SPAM1: variants seen among roughly 807,000 people sequenced by gnomAD.
The protein encoded by SPAM1 is hyaluronidase PH-20.
Under a neutral mutation model 29.6 loss-of-function variants are expected in SPAM1, and 22 were observed. The observed-to-expected ratio is 0.74, with a 90% CI of 0.53 to 1.06. SPAM1 has a LOEUF of 1.06. Among genes scored for constraint, SPAM1 ranks in the 50% least tolerant of loss-of-function variants. The probability of loss-of-function intolerance (pLI) is 0.00; values close to 1 mark genes in which losing one functional copy is unlikely to be tolerated. For synonymous variants in SPAM1, 194 were observed against 204.6 expected (o/e 0.95, Z 0.44); for missense variants, 534 against 604.0 (o/e 0.88, Z 1.21).
chr7:123,954,928 C>T (rs1792214654), intron 3 of SPAM1, 69 bp from the exon 4 acceptor site: 4 of 960,920 alleles, frequency 4.2e-6, no homozygotes, highest in East Asian at 2.4e-5. Flanking sequence ...TTAGCTTTTG[C>T]GTTGCTGTCC....
downstream of SPAM1, among the ~76,000 whole-genome samples, chr7:123,961,303 T>G (rs1187465483): frequency 6.6e-6 from 1 of 151,884 alleles, no homozygotes; most frequent in Non-Finnish European, 1.5e-5. Context: ...TTATCTGGCC[T>G]CTCCCTATCC....
At chr7:123,960,325 A>G (rs1447852881), downstream of SPAM1, among the ~76,000 whole-genome samples, 1 of 152,004 alleles carries the variant, frequency 6.6e-6, no homozygotes, top group East Asian at 1.9e-4. Flanking sequence ...AACTTGATAT[A>G]GAATGTTTAA....
intron 4 of SPAM1, 85 bp downstream of exon 4, chr7:123,955,171 A>G: frequency 1.1e-6 from 1 of 927,284 alleles, no homozygotes; most frequent in African/African-American, 1.6e-5. Flanking sequence ...TAAGAAAATA[A>G]GTAGTACTAT....
intron 5 of SPAM1, chr7:123,970,137 A>G (rs1792478563): frequency 6.5e-7 from 1 of 1,527,774 alleles, no homozygotes; most frequent in Non-Finnish European, 8.9e-7. Flanking sequence ...TGCTATAACA[A>G]AGTGCCACAG....
At chr7:123,964,898 T>G (rs182066898), downstream of SPAM1, among the ~76,000 whole-genome samples, 1 of 152,030 alleles carries the variant, frequency 6.6e-6, no homozygotes, top group East Asian at 1.9e-4. Context: ...ATAGTTAGAG[T>G]TGACTTTAGT....
intron 2 of SPAM1, 23 bp from the exon 3 acceptor site, chr7:123,953,342 T>C (rs1792159524): frequency 4.8e-6 from 2 of 415,392 alleles, no homozygotes; most frequent in African/African-American, 2.1e-5. Flanking sequence ...ATCATAACAA[T>C]GTATTCTGTA....
chr7:123,929,425 T>A (rs1807997828), intron 1 of SPAM1, among the ~76,000 whole-genome samples: 1 of 152,276 alleles, frequency 6.6e-6, no homozygotes, highest in African/African-American at 2.4e-5. Flanking sequence ...GTCTGGTAAC[T>A]ACAGTATCAC....
intron 1 of SPAM1, chr7:123,925,872 G>C (rs1048141554): frequency 7.2e-5 from 11 of 152,192 alleles, no homozygotes; most frequent in Non-Finnish European, 1.5e-4. Context: ...AATGGGGAAC[G>C]TGGAGGTAAA....
chr7:123,968,555 T>C (rs1051066314), intron 5 of SPAM1, among the ~76,000 whole-genome samples: 5 of 151,952 alleles, frequency 3.3e-5, no homozygotes, highest in African/African-American at 1.2e-4. Flanking sequence ...GGGATTAGGT[T>C]TTGAGCATGT....
intron 1 of SPAM1, among the ~76,000 whole-genome samples, chr7:123,939,759 T>A (rs140406966): frequency 1.3e-5 from 2 of 152,292 alleles, no homozygotes; most frequent in Non-Finnish European, 2.9e-5. Flanking sequence ...AGCAAGAACC[T>A]GCAAGTCAGT....
chr7:123,952,383 A>G (rs1194391524), intron 2 of SPAM1, among the ~76,000 whole-genome samples: 3 of 152,150 alleles, frequency 2.0e-5, no homozygotes, highest in Non-Finnish European at 4.4e-5. Flanking sequence ...TTCTTGTTAT[A>G]ATTTCATATA....
intron 1 of SPAM1, among the ~76,000 whole-genome samples, chr7:123,945,697 G>C (rs1020023090): frequency 1.3e-5 from 2 of 152,086 alleles, no homozygotes; most frequent in African/African-American, 4.8e-5. Flanking sequence ...ATTTTCCCTG[G>C]TATTGAAGAT....
downstream of SPAM1, chr7:123,960,054 T>C: frequency 6.7e-7 from 1 of 1,499,804 alleles, no homozygotes; most frequent in South Asian, 1.4e-5. Flanking sequence ...GAACAGCTCT[T>C]GTTGAAAGAT....
chr7:123,956,934 TAGAG>T (rs1333541556), intron 4 of SPAM1, among the ~76,000 whole-genome samples: 1 of 151,962 alleles, frequency 6.6e-6, no homozygotes, highest in African/African-American at 2.4e-5. Context: ...TCTTACCTAT[TAGAG>T]AGCCAATTTT....
In SPAM1 at chr7:123,969,352, A is replaced by G. The variant is rs116629225; in HGVS notation, c.1486-846A>G. On this transcript the variant is annotated intron_variant, in intron 5 of 6. Transcript: ENST00000340011. ...TGTGTTTTTGAGGTCTTAGCCATAA[A>G]TTCTGTACCCAGGCCAATGTAGTGA... Among the ~76,000 whole-genome samples, 670 of 152,144 alleles carry G rather than the reference A, an allele frequency of 4.4e-3. 8 individuals are homozygous for G. Among genetic ancestry groups the G allele is most frequent in the African/African-American group, 0.015 (637 of 41,522 alleles).
intron 1 of SPAM1, among the ~76,000 whole-genome samples, chr7:123,941,632 C>A (rs368208682): frequency 6.6e-6 from 1 of 152,080 alleles, no homozygotes; most frequent in African/African-American, 2.4e-5. Context: ...GCAAATTGTG[C>A]GGGAGGTATG....
rs1237090448 is a variant in SPAM1, at chr7:123,954,343, C to G, written c.773C>G (p.Ala258Gly). 3 of 1,613,472 alleles carry G rather than the reference C, an allele frequency of 1.9e-6. No homozygotes were observed. Among genetic ancestry groups the G allele is most frequent in the Non-Finnish European group, 2.5e-6 (3 of 1,179,640 alleles). ...AGCTGGTTGTGGAATGAAAGCACTG[C>G]TCTTTACCCATCCATTTATTTGAAC... ...DLSWLWNEST[A>G]LYPSIYLNTQ... Residue 258 changes from alanine (A) to glycine (G), a missense_variant, in exon 3 of 5, where the codon GCT becomes GGT. Transcript: ENST00000682466.
chr7:123,962,251 G>A (rs545862800), downstream of SPAM1, among the ~76,000 whole-genome samples: 4 of 151,922 alleles, frequency 2.6e-5, no homozygotes, highest in South Asian at 4.1e-4. Flanking sequence ...GTTTTGATTT[G>A]CGTTTCCCTG....
intron 5 of SPAM1, among the ~76,000 whole-genome samples, chr7:123,967,899 G>T (rs1792448824): frequency 2.0e-5 from 3 of 152,024 alleles, no homozygotes; most frequent in Non-Finnish European, 4.4e-5. Context: ...GAAGGCTATT[G>T]CCATTATCTA....
Sources: allele counts gnomAD v4.1 joint callset (sites outside exome capture counted in the v4.1 genomes callset), GRCh38; gene constraint gnomAD v4.1.1; transcripts MANE v1.5; gene names NCBI Gene and HGNC (gene_info 2026-07-23, HGNC 2026-07-21).